FAAH2: variants seen among roughly 807,000 people sequenced by gnomAD.
FAAH2 encodes fatty acid amide hydrolase 2.
In FAAH2, 60 loss-of-function variants were observed where a neutral mutation model predicts 36.9. That is an observed-to-expected ratio of 1.63 (90% CI 1.32 to 2.02). FAAH2 has a LOEUF of 2.02. FAAH2 is among the 30% of genes most tolerant of loss of function. The pLI, the probability that FAAH2 is intolerant of heterozygous loss-of-function variation, is 0.00. For missense variants in FAAH2, 689 were observed against 397.5 expected (o/e 1.73, Z -6.23); for synonymous variants, 214 against 143.8 (o/e 1.49, Z -3.49).
the FAAH2 span, among the ~76,000 whole-genome samples, chrX:57,249,978 CT>C: frequency 9.0e-6 from 1 of 111,667 alleles, no homozygotes; most frequent in Non-Finnish European, 1.9e-5. Flanking sequence ...TCTGAAATGG[CT>C]AGTTTAGTGT....
Position 57,392,701 on chromosome X carries a change from G to A in FAAH2, c.996+11672G>A, listed in dbSNP as rs1418635823. On this transcript the variant is annotated intron_variant, in intron 7 of 10. Transcript: ENST00000374900. Reference sequence around the variant, plus strand: ...GTCCAAATCAGTATCATAAAAACAGGGCTGGGTGGGGAGTCCATTGTGCTC... The same window carrying A: ...GTCCAAATCAGTATCATAAAAACAGAGCTGGGTGGGGAGTCCATTGTGCTC... 1.6e-5 allele frequency: 10 copies of A among 620,367 alleles called. No homozygotes were observed. In the East Asian group the frequency reaches 3.2e-4, roughly 20 times the overall value. The allele number at this position is 620,367 out of a possible 1,213,427, so 51.1% of individuals were successfully genotyped here.
At chrX:57,394,248 G>T in intron 7 of FAAH2, 1 of 743,316 alleles carries the variant, frequency 1.3e-6, no homozygotes, top group Non-Finnish European at 2.1e-6. Context: ...TGGTAAAGAT[G>T]GGCAAGAAGG....
chrX:57,397,522 A>T (rs2055333688), intron 7 of FAAH2, among the ~76,000 whole-genome samples: 1 of 110,798 alleles, frequency 9.0e-6, no homozygotes, highest in African/African-American at 3.3e-5. Context: ...TTTTTCATTT[A>T]TAAAGCTTAA....
the FAAH2 span, among the ~76,000 whole-genome samples, chrX:57,198,041 G>C: frequency 8.9e-6 from 1 of 111,842 alleles, no homozygotes; most frequent in South Asian, 3.7e-4. Flanking sequence ...GGGAGCTTCA[G>C]CTGCAGTAGT....
At chrX:57,386,980 G>A (rs916484575) in intron 7 of FAAH2, among the ~76,000 whole-genome samples, 8 of 112,140 alleles carry the variant, frequency 7.1e-5, no homozygotes, top group Non-Finnish European at 9.4e-5. Context: ...TTTCATATTG[G>A]ATAAGTTTAG....
the FAAH2 span, among the ~76,000 whole-genome samples, chrX:57,129,212 T>A: frequency 9.0e-6 from 1 of 111,684 alleles, no homozygotes; most frequent in Non-Finnish European, 1.9e-5. Context: ...CCCCACTAGA[T>A]GACTTTATAA....
At chrX:57,486,106 C>T (rs1254217783) in intron 10 of FAAH2, among the ~76,000 whole-genome samples, 1 of 111,771 alleles carries the variant, frequency 8.9e-6, no homozygotes, top group African/African-American at 3.3e-5. Flanking sequence ...GATCAGATTG[C>T]ATTGCATGCT....
the FAAH2 span, among the ~76,000 whole-genome samples, chrX:57,185,189 C>A: frequency 9.0e-6 from 1 of 110,738 alleles, no homozygotes; most frequent in African/African-American, 3.3e-5. Context: ...TTGTTTCTGG[C>A]TAATTTTTTA....
chrX:57,438,656 T>G (rs1407490312), intron 8 of FAAH2, among the ~76,000 whole-genome samples: 1 of 109,760 alleles, frequency 9.1e-6, no homozygotes, highest in Non-Finnish European at 1.9e-5. Context: ...AATGTGCAGG[T>G]TTGTTACATA....
At chrX:57,167,251 A>G in the FAAH2 span, among the ~76,000 whole-genome samples, 2 of 111,694 alleles carry the variant, frequency 1.8e-5, no homozygotes, top group Admixed American at 1.9e-4. Flanking sequence ...TCCTAGCTGT[A>G]TATATCACCT....
chrX:57,173,793 A>G, the FAAH2 span, among the ~76,000 whole-genome samples: 4 of 111,661 alleles, frequency 3.6e-5, no homozygotes, highest in African/African-American at 1.3e-4. Flanking sequence ...GCTAGATATT[A>G]TTGAATGTTT....
chrX:57,399,596 C>A (rs780825898), intron 7 of FAAH2, among the ~76,000 whole-genome samples: 4 of 111,256 alleles, frequency 3.6e-5, no homozygotes, highest in Non-Finnish European at 5.7e-5. Context: ...ATCCACTTGG[C>A]GGTTCCCTTC....
At chrX:57,317,217 C>A (rs899783009) in intron 3 of FAAH2, among the ~76,000 whole-genome samples, 1 of 112,310 alleles carries the variant, frequency 8.9e-6, no homozygotes, top group Non-Finnish European at 1.9e-5. Context: ...AAGACACAGA[C>A]TGGCAAATTA....
the FAAH2 span, among the ~76,000 whole-genome samples, chrX:57,142,059 T>C: frequency 1.8e-5 from 2 of 112,186 alleles, no homozygotes; most frequent in African/African-American, 3.2e-5. Context: ...AAAAGCCAGC[T>C]TTTTGTTTAA....
intron 3 of FAAH2, among the ~76,000 whole-genome samples, chrX:57,328,648 G>T (rs1346462902): frequency 8.9e-6 from 1 of 111,988 alleles, no homozygotes; most frequent in Admixed American, 9.5e-5. Context: ...TTTTTGAATT[G>T]TCAGAGTTCT....
the FAAH2 span, among the ~76,000 whole-genome samples, chrX:57,250,375 C>A: frequency 1.8e-5 from 2 of 110,986 alleles, no homozygotes; most frequent in African/African-American, 3.3e-5. Flanking sequence ...TAAATTTAAC[C>A]AAGGAGGTGA....
chrX:57,429,112 G>A (rs1489510444), intron 7 of FAAH2, among the ~76,000 whole-genome samples: 1 of 110,584 alleles, frequency 9.0e-6, no homozygotes. Context: ...GAGGTGGGCG[G>A]ATCACGAGGT....
chrX:57,374,793 C>CT (rs752111343), intron 5 of FAAH2, among the ~76,000 whole-genome samples: 6 of 111,089 alleles, frequency 5.4e-5, no homozygotes, highest in Admixed American at 9.6e-5. Context: ...TTCCAGTTTT[C>CT]AGAGGGAATG....
the FAAH2 span, among the ~76,000 whole-genome samples, chrX:57,254,546 T>G: frequency 1.8e-5 from 2 of 111,724 alleles, no homozygotes; most frequent in Non-Finnish European, 3.8e-5. Flanking sequence ...TCAGCAAATG[T>G]AAAAGAACAG....
Sources: gnomAD v4.1 joint callset for allele counts (sites outside exome capture counted in the v4.1 genomes callset) on GRCh38, gnomAD v4.1.1 for gene constraint, MANE v1.5 for transcripts, NCBI Gene and HGNC (gene_info 2026-07-23, HGNC 2026-07-21) for gene names.